The following LRRIQ1 variants were observed in gnomAD, a reference collection of about 807,000 sequenced individuals.
LRRIQ1 encodes the protein leucine-rich repeat- and IQ domain-containing protein 1.
In LRRIQ1, 210 loss-of-function variants were observed where a neutral mutation model predicts 211.9. That is an observed-to-expected ratio of 0.99 (90% CI 0.89 to 1.11). LRRIQ1 has a LOEUF of 1.11. Among genes scored for constraint, LRRIQ1 ranks in the 50% most tolerant of loss-of-function variants. LRRIQ1 has a pLI of 0.00. For missense variants in LRRIQ1, 2,136 were observed against 1,939.5 expected (o/e 1.10, Z -1.90); for synonymous variants, 699 against 650.1 (o/e 1.08, Z -1.14).
intron 11 of LRRIQ1, among the ~76,000 whole-genome samples, chr12:85,079,098 C>T (rs2136149551): frequency 6.6e-6 from 1 of 151,982 alleles, no homozygotes; most frequent in East Asian, 1.9e-4. Flanking sequence ...ACTCTCTTGA[C>T]CAAATGAGAG....
At chr12:85,110,464 T>C (rs994318180) in intron 15 of LRRIQ1, among the ~76,000 whole-genome samples, 2 of 152,134 alleles carry the variant, frequency 1.3e-5, no homozygotes. Flanking sequence ...CTAAATAACT[T>C]GACCAAGGTT....
At chr12:85,148,191 T>G (rs1890016089) in intron 19 of LRRIQ1, among the ~76,000 whole-genome samples, 1 of 151,816 alleles carries the variant, frequency 6.6e-6, no homozygotes, top group African/African-American at 2.4e-5. Flanking sequence ...TTTATTTTAC[T>G]TTTAGTTCTG....
intron 24 of LRRIQ1, among the ~76,000 whole-genome samples, chr12:85,205,609 G>T (rs185934469): frequency 1.3e-5 from 2 of 151,994 alleles, no homozygotes; most frequent in Non-Finnish European, 2.9e-5. Flanking sequence ...ATTTTGCAAG[G>T]GTTCCCTGAA....
At chr12:85,197,581 A>G (rs1892993252) in intron 24 of LRRIQ1, among the ~76,000 whole-genome samples, 1 of 151,212 alleles carries the variant, frequency 6.6e-6, no homozygotes, top group South Asian at 2.1e-4. Flanking sequence ...CGCAAGAACA[A>G]AAAACCAAAC....
chr12:85,224,746 G>C (rs1195509750), intron 24 of LRRIQ1, among the ~76,000 whole-genome samples: 1 of 123,760 alleles, frequency 8.1e-6, no homozygotes, highest in Admixed American at 9.0e-5. Context: ...GGGTGGGGGG[G>C]CTAGGGGAGG....
chr12:85,072,944 T>G lies in LRRIQ1; in HGVS notation c.2733T>G (p.Asn911Lys). 1 of 1,611,702 alleles carries G rather than the reference T, an allele frequency of 6.2e-7. No individual in the cohort carries two copies. The change falls in exon 11 of 27, where the codon AAT becomes AAG. Residue 911 changes from asparagine (N) to lysine (K), a missense_variant. Coordinates refer to ENST00000393217, the MANE Select transcript of LRRIQ1 (RefSeq NM_001079910.2). ...SFFLEEKLVD[N>K]AGFCHHLGTS... Reference sequence around the variant, plus strand: ...TTCTGGAAGAAAAACTTGTTGACAATGCAGGGTTCTGCCATCACTTGGGCA... The same window carrying G: ...TTCTGGAAGAAAAACTTGTTGACAAGGCAGGGTTCTGCCATCACTTGGGCA...
Position 85,056,122 on chromosome 12 carries a change from G to A in LRRIQ1, c.1329G>A (p.Glu443=), listed in dbSNP as rs1419215165. The change falls in exon 8 of 27, where the codon GAG becomes GAA. Residue 443 remains glutamate (E), a synonymous_variant. Coordinates refer to ENST00000393217, the MANE Select transcript of LRRIQ1 (RefSeq NM_001079910.2). ...KQEDVLLWLV[E]ESNMKENVDR... is the part of the protein sequence containing the mutation. ...AAGATGTTCTCCTTTGGCTAGTTGA[G>A]GAATCAAATATGAAAGAAAATGTAG... 6.3e-7 allele frequency: 1 copy of A among 1,598,376 alleles called. No individual in the cohort carries two copies. Among genetic ancestry groups the A allele is most frequent in the Non-Finnish European group, 8.5e-7 (1 of 1,175,604 alleles).
At chr12:85,208,373 A>G (rs527764891) in intron 24 of LRRIQ1, among the ~76,000 whole-genome samples, 78 of 152,266 alleles carry the variant, frequency 5.1e-4, no homozygotes, top group African/African-American at 1.7e-3. Context: ...CTGAGTTGAA[A>G]CAGTTTAAAT....
chr12:85,145,946 A>G (rs1216209909), intron 19 of LRRIQ1, among the ~76,000 whole-genome samples: 3 of 151,728 alleles, frequency 2.0e-5, no homozygotes, highest in African/African-American at 4.8e-5. Context: ...TACATGAGAA[A>G]TTTTCTAATA....
intron 19 of LRRIQ1, among the ~76,000 whole-genome samples, chr12:85,147,292 A>T (rs1193780438): frequency 6.6e-6 from 1 of 151,864 alleles, no homozygotes; most frequent in Non-Finnish European, 1.5e-5. Context: ...GACATCCTTC[A>T]CTATAAGACA....
chr12:85,078,967 A>T (rs1468948193), intron 11 of LRRIQ1, among the ~76,000 whole-genome samples: 1 of 152,156 alleles, frequency 6.6e-6, no homozygotes, highest in African/African-American at 2.4e-5. Context: ...GTGTTGTTAC[A>T]CATTTTTGTA....
chr12:85,251,481 A>T lies in LRRIQ1; in HGVS notation c.121+6572A>T, dbSNP rs915658960. On this transcript the variant is annotated intron_variant, in intron 1 of 1. Transcript: ENST00000602731. Reference sequence around the variant, plus strand: ...AAACATGGTGAGTGTGGTATCGATAAGAATATGTGTTTAGAGTTTGGGCAG... The same window carrying T: ...AAACATGGTGAGTGTGGTATCGATATGAATATGTGTTTAGAGTTTGGGCAG... 1.1e-4 allele frequency among the ~76,000 whole-genome samples: 17 copies of T among 151,932 alleles called. No homozygotes were observed. The Admixed American group carries it at 1.1e-3, about 10-fold the overall frequency.
At chr12:85,209,079 A>G (rs1270755338) in intron 24 of LRRIQ1, among the ~76,000 whole-genome samples, 4 of 152,192 alleles carry the variant, frequency 2.6e-5, no homozygotes, top group African/African-American at 7.2e-5. Flanking sequence ...AAAGGTTCCT[A>G]ATTTGCCACT....
exon 2 of LRRIQ1, chr12:85,263,806 T>C (rs1896363780): frequency 6.6e-6 from 1 of 152,016 alleles, no homozygotes; most frequent in African/African-American, 2.4e-5. Context: ...AAAGTACTTT[T>C]TCAAAGTTCA....
At chr12:85,211,106 A>C (rs1237076084) in intron 24 of LRRIQ1, among the ~76,000 whole-genome samples, 1 of 152,112 alleles carries the variant, frequency 6.6e-6, no homozygotes, top group African/African-American at 2.4e-5. Context: ...CTGAATTAGG[A>C]GTCTTGCTTC....
intron 24 of LRRIQ1, among the ~76,000 whole-genome samples, chr12:85,162,297 T>A (rs965335090): frequency 6.6e-6 from 1 of 152,160 alleles, no homozygotes; most frequent in East Asian, 1.9e-4. Flanking sequence ...CAATTTAAAA[T>A]AAGGCTTGGG....
At chr12:85,069,307 A>G (rs1163215682) in intron 10 of LRRIQ1, among the ~76,000 whole-genome samples, 2 of 152,012 alleles carry the variant, frequency 1.3e-5, no homozygotes, top group Non-Finnish European at 2.9e-5. Context: ...TCCATGGTGT[A>G]TATGTGCCAC....
chr12:85,103,368 T>C (rs754275604), intron 13 of LRRIQ1, among the ~76,000 whole-genome samples: 8 of 151,736 alleles, frequency 5.3e-5, no homozygotes, highest in Non-Finnish European at 8.9e-5. Flanking sequence ...TTTTGTGTTA[T>C]TCTGTTCTTA....
At chr12:85,265,771 C>A (rs1027753951), downstream of LRRIQ1, among the ~76,000 whole-genome samples, 3 of 151,756 alleles carry the variant, frequency 2.0e-5, no homozygotes, top group African/African-American at 7.3e-5. Context: ...TATCTTGTTT[C>A]TTTTTAATTT....
Sources: allele counts gnomAD v4.1 joint callset (sites outside exome capture counted in the v4.1 genomes callset), GRCh38; gene constraint gnomAD v4.1.1; transcripts MANE v1.5; gene names NCBI Gene and HGNC (gene_info 2026-07-23, HGNC 2026-07-21).